GPM6B: variants seen among roughly 807,000 people sequenced by gnomAD.
The protein encoded by GPM6B is glycoprotein M6B, also known as neuronal membrane glycoprotein M6-b.
GPM6B carries 4 observed loss-of-function variants against 27.2 expected under a neutral mutation model. That is an observed-to-expected ratio of 0.15 (90% CI 0.07 to 0.34). GPM6B has a LOEUF of 0.34. Ranked by LOEUF, GPM6B falls within the 10% of genes least tolerant of loss-of-function variation. GPM6B has a pLI of 1.00. For missense variants in GPM6B, 183 were observed against 261.9 expected, an observed-to-expected ratio of 0.70 and a Z score of 2.08; for synonymous variants, 124 against 103.1, an observed-to-expected ratio of 1.20 and a Z score of -1.23.
intron 1 of GPM6B, among the ~76,000 whole-genome samples, chrX:13,909,120 CTTTTTT>C (rs368081524): frequency 0.15 from 10,482 of 69,671 alleles, 557 homozygotes; most frequent in Admixed American, 0.22. Context: ...TGTTCATATC[CTTTTTT>C]TTTTTTTTTT....
chrX:13,787,535 C>T (rs928400989), intron 2 of GPM6B, among the ~76,000 whole-genome samples: 5 of 111,368 alleles, frequency 4.5e-5, no homozygotes, highest in African/African-American at 9.8e-5. Context: ...CCAGCCTGGG[C>T]GACAGAGCAA....
At chrX:13,810,256 G>T (rs537154092) in intron 1 of GPM6B, among the ~76,000 whole-genome samples, 1 of 112,321 alleles carries the variant, frequency 8.9e-6, no homozygotes, top group East Asian at 2.8e-4. Context: ...AAAAAAAACA[G>T]AAGGTCAAGG....
At chrX:13,833,766 TACAA>T (rs1452822568) in intron 1 of GPM6B, among the ~76,000 whole-genome samples, 1 of 111,875 alleles carries the variant, frequency 8.9e-6, no homozygotes, top group Non-Finnish European at 1.9e-5. Flanking sequence ...GCTTTCAATG[TACAA>T]ACAATTTGAG....
chrX:13,846,131 C>T (rs2049642663), intron 1 of GPM6B, among the ~76,000 whole-genome samples: 2 of 111,354 alleles, frequency 1.8e-5, no homozygotes, highest in Admixed American at 1.9e-4. Context: ...GACAGCTAAA[C>T]CTCTGAGTTT....
intron 2 of GPM6B, among the ~76,000 whole-genome samples, chrX:13,789,619 C>T (rs1487744329): frequency 9.1e-6 from 1 of 110,385 alleles, no homozygotes; most frequent in Non-Finnish European, 1.9e-5. Context: ...ACTAAAAATA[C>T]AAAAAATTAG....
intron 1 of GPM6B, among the ~76,000 whole-genome samples, chrX:13,860,525 T>C (rs191383585): frequency 8.6e-4 from 94 of 108,682 alleles, no homozygotes; most frequent in African/African-American, 3.0e-3. Context: ...TTCTCGAGGA[T>C]TATCAACTCT....
intron 1 of GPM6B, among the ~76,000 whole-genome samples, chrX:13,842,905 C>T (rs1192213107): frequency 9.0e-6 from 1 of 111,604 alleles, no homozygotes; most frequent in Non-Finnish European, 1.9e-5. Context: ...AGCCAAAACT[C>T]ATTTTTTTAA....
intron 1 of GPM6B, among the ~76,000 whole-genome samples, chrX:13,874,691 CAG>C (rs2050015673): frequency 9.0e-6 from 1 of 111,102 alleles, no homozygotes; most frequent in South Asian, 3.8e-4. Context: ...GCCTGGGTGA[CAG>C]AGTAAGACTC....
chrX:13,782,757 CAA>C (rs36124855), intron 4 of GPM6B, among the ~76,000 whole-genome samples: 3 of 31,156 alleles, frequency 9.6e-5, no homozygotes, highest in Admixed American at 4.0e-4. Context: ...TGCTCCGTCT[CAA>C]AAAAAAAAAA....
At position 13,816,986 on chromosome X, in the gene GPM6B, C is replaced by G. The variant is rs868442799; in HGVS notation, c.-82G>C. ...TCCTCTTCCTTTTCTTTTGGACTCC[C>G]CTCCGTCTCTTATTTACACCCGTCT... On this transcript the variant is annotated 5_prime_UTR_variant, in exon 1 of 8. Transcript: ENST00000316715. 6.1e-6 allele frequency: 7 copies of G among 1,147,465 alleles called. No homozygotes were observed. Among genetic ancestry groups the G allele is most frequent in the Middle Eastern group, 3.3e-4 (1 of 3,060 alleles). 94.6% of individuals were successfully genotyped at this position (1,147,465 alleles called of 1,213,427 possible).
At chrX:13,855,336 C>T (rs1004104902) in intron 1 of GPM6B, among the ~76,000 whole-genome samples, 4 of 112,179 alleles carry the variant, frequency 3.6e-5, no homozygotes, top group African/African-American at 1.3e-4. Flanking sequence ...CTTTTAAGGC[C>T]ATGTTAAGTT....
chrX:13,777,666 T>C (rs2048439500), intron 5 of GPM6B, among the ~76,000 whole-genome samples: 1 of 112,769 alleles, frequency 8.9e-6, no homozygotes, highest in Non-Finnish European at 1.9e-5. Context: ...TTTTTTCCCC[T>C]ACAAATTGTG....
At chrX:13,804,426 CGGGGGGCGGGGGT>C (rs1248774573) in intron 2 of GPM6B, among the ~76,000 whole-genome samples, 4 of 3,715 alleles carry the variant, frequency 1.1e-3, no homozygotes, top group South Asian at 0.025. Flanking sequence ...GCGGGGGGGG[CGGGGGGCGGGGGT>C]AGCCCATGTG....
At chrX:13,890,014 C>T (rs1186673735) in intron 1 of GPM6B, among the ~76,000 whole-genome samples, 1 of 111,493 alleles carries the variant, frequency 9.0e-6, no homozygotes, top group African/African-American at 3.3e-5. Context: ...ACCAGAGCAA[C>T]TCCATCTTAA....
chrX:13,863,967 T>C (rs2049880410), intron 1 of GPM6B, among the ~76,000 whole-genome samples: 1 of 111,749 alleles, frequency 8.9e-6, no homozygotes, highest in South Asian at 3.8e-4. Context: ...AAGCAATTTA[T>C]GATATCTTAT....
At chrX:13,796,949 G>T (rs1426061257) in intron 2 of GPM6B, among the ~76,000 whole-genome samples, 2 of 112,592 alleles carry the variant, frequency 1.8e-5, no homozygotes, top group Non-Finnish European at 3.8e-5. Context: ...GGTAAAGTGG[G>T]ACAGCAAGGA....
intron 1 of GPM6B, among the ~76,000 whole-genome samples, chrX:13,838,706 G>C (rs1418637760): frequency 8.9e-6 from 1 of 111,758 alleles, no homozygotes; most frequent in Non-Finnish European, 1.9e-5. Flanking sequence ...TGCCCAAAGG[G>C]AGGAAGGGGA....
At chrX:13,899,809 T>C (rs1377011160) in intron 1 of GPM6B, among the ~76,000 whole-genome samples, 1 of 111,696 alleles carries the variant, frequency 9.0e-6, no homozygotes, top group Non-Finnish European at 1.9e-5. Flanking sequence ...CAGGTTGACA[T>C]GAGAATGAAA....
intron 1 of GPM6B, among the ~76,000 whole-genome samples, chrX:13,922,946 C>A (rs1459750116): frequency 8.9e-6 from 1 of 111,899 alleles, no homozygotes; most frequent in Non-Finnish European, 1.9e-5. Context: ...GAGGTCGAGG[C>A]GGGCAAAGCA....
Sources: gnomAD v4.1 joint callset for allele counts (sites outside exome capture counted in the v4.1 genomes callset) on GRCh38, gnomAD v4.1.1 for gene constraint, MANE v1.5 for transcripts, NCBI Gene and HGNC (gene_info 2026-07-23, HGNC 2026-07-21) for gene names.